Variants in POLR3F observed in about 807,000 individuals in gnomAD.
POLR3F encodes the protein DNA-directed RNA polymerase III subunit RPC6.
Under a neutral mutation model 43.6 loss-of-function variants are expected in POLR3F, and 31 were observed. That is an observed-to-expected ratio of 0.71 (90% CI 0.53 to 0.96). The LOEUF is 0.96. POLR3F is among the 40% of genes least tolerant of loss of function. The pLI is 0.00. For missense variants in POLR3F, 316 were observed against 391.7 expected, an observed-to-expected ratio of 0.81 and a Z score of 1.63; for synonymous variants, 114 against 132.5, an observed-to-expected ratio of 0.86 and a Z score of 0.96.
In POLR3F at chr20:18,467,413, A is replaced by G. The variant is rs988089903; in HGVS notation, c.-94A>G. 4.3e-6 allele frequency: 6 copies of G among 1,393,558 alleles called. No homozygotes were observed. Among genetic ancestry groups the G allele is most frequent in the Admixed American group, 3.5e-5 (2 of 57,620 alleles). 86.3% of individuals were successfully genotyped at this position (1,393,558 alleles called of 1,614,324 possible). On this transcript the variant is annotated 5_prime_UTR_variant, in exon 1 of 9. Coordinates refer to ENST00000377603, the MANE Select transcript of POLR3F (RefSeq NM_006466.4). ...AGGAAGAAGGCCCCTCGGCCTCAGC[A>G]GAGCGCTATCCTCCACTGGTTCCCC...
At chr20:18,471,685 T>C (rs1199172963) in intron 2 of POLR3F, among the ~76,000 whole-genome samples, 1 of 152,154 alleles carries the variant, frequency 6.6e-6, no homozygotes, top group East Asian at 1.9e-4. Context: ...AGTGTCTGTT[T>C]TAAAACAAGG....
rs2059764215 is a variant in POLR3F at position 18,473,449 on chromosome 20, G to A, written c.307G>A (p.Gly103Arg). 1 of 1,461,060 alleles carries A rather than the reference G, an allele frequency of 6.8e-7. No homozygotes were observed. Among genetic ancestry groups the A allele is most frequent in the Non-Finnish European group, 9.6e-7 (1 of 1,041,996 alleles). 90.5% of individuals were successfully genotyped at this position (1,461,060 alleles called of 1,614,324 possible). Residue 103 changes from glycine to arginine, a missense_variant, in exon 4 of 9, where the codon GGA becomes AGA. This residue lies in a region of POLR3F where 122 missense variants were observed against 133.8 expected (regional missense o/e 0.91). Coordinates refer to ENST00000377603, the MANE Select transcript of POLR3F (RefSeq NM_006466.4). ...AGTATATCAAATCATAGAGGATGCA[G>A]GAAATAAAGGTAAGCATGTGAAAGA... ...KLVYQIIEDA[G>R]NKGIWSRDIR...
chr20:18,472,743 G>T (rs2059760105), intron 2 of POLR3F, 99 bp from the exon 3 acceptor site: 2 of 630,612 alleles, frequency 3.2e-6, no homozygotes, highest in Non-Finnish European at 5.7e-6. Flanking sequence ...AGCAGGTTTT[G>T]AAAAATTAAG....
At chr20:18,474,343 A>C (rs895983673) in intron 4 of POLR3F, among the ~76,000 whole-genome samples, 8 of 152,024 alleles carry the variant, frequency 5.3e-5, no homozygotes, top group African/African-American at 1.9e-4. Context: ...CACTCATCTA[A>C]AGAGTGTTTT....
chr20:18,479,689 G>A (rs1440477989), intron 5 of POLR3F, among the ~76,000 whole-genome samples: 3 of 152,168 alleles, frequency 2.0e-5, no homozygotes, highest in Non-Finnish European at 4.4e-5. Flanking sequence ...GAAATACGGT[G>A]TTTGAGAAAC....
rs569105945 is a variant in POLR3F, at chr20:18,480,849, A to G, written c.681+340A>G. ...AGTGCCACTGTACCCTAGCCTTTTG[A>G]AATTCTTTTTTTAAGGACACTGATG... On this transcript the variant is annotated intron_variant, in intron 7 of 8. Coordinates refer to ENST00000377603, the MANE Select transcript of POLR3F (RefSeq NM_006466.4). 1.6e-4 allele frequency among the ~76,000 whole-genome samples: 24 copies of G among 151,970 alleles called. 1 individual carries two copies. In the South Asian group the frequency reaches 5.0e-3, roughly 32 times the overall value.
intron 4 of POLR3F, among the ~76,000 whole-genome samples, chr20:18,473,704 A>G (rs774337153): frequency 1.9e-4 from 29 of 152,248 alleles, no homozygotes; most frequent in Admixed American, 2.0e-4. Context: ...TCTGAGTCAC[A>G]TGAATGTATT....
At chr20:18,468,920 T>A (rs1242716578) in intron 1 of POLR3F, 24 bp from the exon 2 acceptor site, 1 of 1,081,746 alleles carries the variant, frequency 9.2e-7, no homozygotes, top group Non-Finnish European at 1.4e-6. Context: ...CCATGAAGGA[T>A]AACATTAATA....
chr20:18,467,996 C>T (rs1033791454), intron 1 of POLR3F, among the ~76,000 whole-genome samples: 7 of 152,150 alleles, frequency 4.6e-5, no homozygotes, highest in African/African-American at 1.7e-4. Context: ...TTGGTGATTA[C>T]GAAGTAACAT....
In POLR3F at chr20:18,481,735, C is replaced by T. The variant is rs144157035; in HGVS notation, c.798C>T (p.His266=). The T allele has an allele frequency of 6.4e-4, 1,031 of 1,613,022 alleles. 6 individuals are homozygous for T. In the African/African-American group the frequency reaches 0.012, roughly 19 times the overall value. Residue 266 remains histidine (H), a synonymous_variant, in exon 8 of 9, where the codon CAC becomes CAT. Coordinates refer to ENST00000377603, the MANE Select transcript of POLR3F (RefSeq NM_006466.4). Reference sequence around the variant, plus strand: ...GCACAGTTGGCAGTGTAGATGGACACATGAAACTGTACAGGGCAGTCAATC... The same window carrying T: ...GCACAGTTGGCAGTGTAGATGGACATATGAAACTGTACAGGGCAGTCAATC... ...KEGTVGSVDG[H]MKLYRAVNPI... is the part of the protein sequence containing the mutation.
At position 18,475,107 on chromosome 20, in the gene POLR3F, A is replaced by G; in HGVS notation, c.349A>G (p.Asn117Asp). ...IWSRDIRYKSNLPLTEINKIL... is the reference protein window; with the variant it reads ...IWSRDIRYKSDLPLTEINKIL... ...GAGCAGAGATATCCGCTATAAAAGT[A>G]ATTTGCCATTAACAGAAATCAACAA... Residue 117 changes from asparagine (N) to aspartate (D), a missense_variant, in exon 5 of 9, where the codon AAT (asparagine) becomes GAT (aspartate). Asn to Asp is a conservative substitution (Grantham distance 23). Coordinates refer to ENST00000377603, the MANE Select transcript of POLR3F (RefSeq NM_006466.4). 1 of 1,509,884 alleles carries G rather than the reference A, an allele frequency of 6.6e-7. No homozygotes were observed. Among genetic ancestry groups the G allele is most frequent in the Non-Finnish European group, 9.2e-7 (1 of 1,086,152 alleles). The allele number at this position is 1,509,884 out of a possible 1,614,324, so 93.5% of individuals were successfully genotyped here. A position where few individuals can be genotyped will look rare whatever the true frequency, so the allele number is the denominator to read the frequency against.
chr20:18,478,322 C>T (rs1476718846), intron 5 of POLR3F, among the ~76,000 whole-genome samples: 1 of 151,828 alleles, frequency 6.6e-6, no homozygotes, highest in Non-Finnish European at 1.5e-5. Context: ...CTCAAGCCAT[C>T]CTCCCACCAC....
At chr20:18,476,177 G>A (rs1434388833) in intron 5 of POLR3F, among the ~76,000 whole-genome samples, 6 of 152,144 alleles carry the variant, frequency 3.9e-5, no homozygotes, top group Non-Finnish European at 8.8e-5. Flanking sequence ...TAAGCTAAGA[G>A]TTGTGCAACC....
chr20:18,483,148 T>G (rs1601263596), intron 8 of POLR3F, among the ~76,000 whole-genome samples: 1 of 151,690 alleles, frequency 6.6e-6, no homozygotes, highest in South Asian at 2.1e-4. Flanking sequence ...CACTACAACC[T>G]CTGCCTCCCA....
chr20:18,474,522 T>G (rs913189694), intron 4 of POLR3F, among the ~76,000 whole-genome samples: 7 of 152,134 alleles, frequency 4.6e-5, no homozygotes, highest in African/African-American at 1.7e-4. Flanking sequence ...TCATAATTTT[T>G]TTTTTCTTTT....
At chr20:18,475,899 T>TA (rs767942650) in intron 5 of POLR3F, among the ~76,000 whole-genome samples, 60 of 152,224 alleles carry the variant, frequency 3.9e-4, no homozygotes, top group Non-Finnish European at 6.9e-4. Context: ...TAACATCACT[T>TA]ATAAGAATTT....
chr20:18,467,390 G>A lies in POLR3F; in HGVS notation c.-117G>A, dbSNP rs1244428809. On this transcript the variant is annotated 5_prime_UTR_variant, in exon 1 of 9. Transcript: ENST00000377603. ...AAGGAAGGACCGGCTGCGACACGAGGAAGAAGGCCCCTCGGCCTCAGCAGA... is the reference window on the plus strand; with the variant it reads ...AAGGAAGGACCGGCTGCGACACGAGAAAGAAGGCCCCTCGGCCTCAGCAGA... 3.5e-6 allele frequency: 4 copies of A among 1,129,666 alleles called. No individual in the cohort carries two copies. Among genetic ancestry groups the A allele is most frequent in the Admixed American group, 2.1e-5 (1 of 48,526 alleles). The allele number at this position is 1,129,666 out of a possible 1,614,324, so 70.0% of individuals were successfully genotyped here.
intron 5 of POLR3F, among the ~76,000 whole-genome samples, chr20:18,476,599 G>T (rs2059781873): frequency 6.6e-6 from 1 of 152,084 alleles, no homozygotes; most frequent in South Asian, 2.1e-4. Context: ...CATGACCTTG[G>T]CTTTGTTAAT....
chr20:18,480,243 T>A (rs2059802919), intron 6 of POLR3F, 62 bp downstream of exon 6: 5 of 1,434,018 alleles, frequency 3.5e-6, no homozygotes, highest in Non-Finnish European at 4.8e-6. Context: ...TCACAAAGGA[T>A]TTTAATCTAT....
Sources: allele counts gnomAD v4.1 joint callset (sites outside exome capture counted in the v4.1 genomes callset), GRCh38; gene constraint gnomAD v4.1.1; regional missense constraint gnomAD v4.1.1; transcripts MANE v1.5; gene names NCBI Gene and HGNC (gene_info 2026-07-23, HGNC 2026-07-21).